The following PPP2R2D variants were observed in gnomAD, a reference collection of about 807,000 sequenced individuals.
The protein encoded by PPP2R2D is protein phosphatase 2 regulatory subunit Bdelta, also known as serine/threonine-protein phosphatase 2A 55 kDa regulatory subunit B delta isoform.
Under a neutral mutation model 31.1 loss-of-function variants are expected in PPP2R2D, and 9 were observed. The observed-to-expected ratio is 0.29, with a 90% CI of 0.17 to 0.51. PPP2R2D has a LOEUF of 0.51. Ranked by LOEUF, PPP2R2D falls within the 20% of genes least tolerant of loss-of-function variation. The pLI is 0.98. For synonymous variants in PPP2R2D, 179 were observed against 172.6 expected, an observed-to-expected ratio of 1.04 and a Z score of -0.29; for missense variants, 391 against 465.6, an observed-to-expected ratio of 0.84 and a Z score of 1.48.
intron 6 of PPP2R2D, 92 bp downstream of exon 6, chr10:131,944,237 T>G: frequency 9.5e-7 from 1 of 1,057,282 alleles, no homozygotes; most frequent in Non-Finnish European, 1.4e-6. Context: ...TATCTCGGAG[T>G]CTAGTCTTGT....
At chr10:131,944,920 G>A (rs2036507357) in intron 6 of PPP2R2D, among the ~76,000 whole-genome samples, 1 of 152,188 alleles carries the variant, frequency 6.6e-6, no homozygotes, top group Non-Finnish European at 1.5e-5. Flanking sequence ...GCATTCTTGT[G>A]TTGTAGTTTT....
chr10:131,911,304 C>G (rs1564809209), intron 2 of PPP2R2D, among the ~76,000 whole-genome samples: 3 of 152,216 alleles, frequency 2.0e-5, no homozygotes, highest in Non-Finnish European at 1.5e-5. Flanking sequence ...CCCCACACCT[C>G]TGGTGTCCTA....
chr10:131,956,436 G>A lies in PPP2R2D; in HGVS notation c.*473G>A, dbSNP rs2036800649. The A allele has an allele frequency of 1.0e-6, 1 of 985,630 alleles. No individual in the cohort carries two copies. Among genetic ancestry groups the A allele is most frequent in the Non-Finnish European group, 1.2e-6 (1 of 830,194 alleles). The allele number at this position is 985,630 out of a possible 1,614,324, so 61.1% of individuals were successfully genotyped here. On this transcript the variant is annotated 3_prime_UTR_variant, in exon 9 of 9. Transcript: ENST00000455566. ...GTCCAGGTGGACTCTGTGGATGTGT[G>A]GATGTGGCCCGAGCAGGCTCAGGCG...
At chr10:131,907,000 G>GTGTCTTTTATATATAATCTCCTATAA (rs2035599783) in intron 2 of PPP2R2D, among the ~76,000 whole-genome samples, 2 of 151,496 alleles carry the variant, frequency 1.3e-5, no homozygotes, top group African/African-American at 2.4e-5. Flanking sequence ...GAAATTAGGT[G>GTGTCTTTTATATATAATCTCCTATAA]TGTCTTTTAT....
intron 6 of PPP2R2D, among the ~76,000 whole-genome samples, chr10:131,944,759 C>T (rs1258977938): frequency 6.6e-6 from 1 of 152,208 alleles, no homozygotes; most frequent in Admixed American, 6.5e-5. Context: ...GAAACTGGGA[C>T]TGCTAGTCTG....
chr10:131,939,564 T>TGTTTGGC, intron 3 of PPP2R2D, among the ~76,000 whole-genome samples: 1 of 69,492 alleles, frequency 1.4e-5, no homozygotes, highest in African/African-American at 5.5e-5. Flanking sequence ...CGGCAGGCTG[T>TGTTTGGC]ATTTGGCAGA....
chr10:131,960,457 T>C (rs1305896922), downstream of PPP2R2D, among the ~76,000 whole-genome samples: 2 of 152,204 alleles, frequency 1.3e-5, no homozygotes, highest in African/African-American at 4.8e-5. Flanking sequence ...TGAACCAGTT[T>C]ATGATGCCCT....
At chr10:131,938,744 C>G (rs1406309857) in intron 3 of PPP2R2D, among the ~76,000 whole-genome samples, 1 of 152,232 alleles carries the variant, frequency 6.6e-6, no homozygotes, top group Non-Finnish European at 1.5e-5. Flanking sequence ...GCTCATTTAT[C>G]TCAGCGGCTT....
At chr10:131,970,327 T>G in the PPP2R2D span, 1 of 404,008 alleles carries the variant, frequency 2.5e-6, no homozygotes, top group Non-Finnish European at 4.5e-6. This position sits in a 1 kb window ranked among gnomAD's most constrained non-coding sequence, Gnocchi z 4.1. Flanking sequence ...GAAATGAGAC[T>G]GCTTTCACCT....
intron 2 of PPP2R2D, among the ~76,000 whole-genome samples, chr10:131,925,935 C>T (rs2036096844): frequency 6.6e-6 from 1 of 152,198 alleles, no homozygotes; most frequent in South Asian, 2.1e-4. Context: ...TTTTTCAGCG[C>T]ACACACAGGC....
At chr10:131,964,670 T>G (rs906748296), downstream of PPP2R2D, among the ~76,000 whole-genome samples, 2 of 150,624 alleles carry the variant, frequency 1.3e-5, no homozygotes, top group African/African-American at 2.5e-5. Flanking sequence ...TACTATGTTT[T>G]TTTTTTTTTT....
At chr10:131,960,566 TCATCAC>T (rs1397035117), downstream of PPP2R2D, among the ~76,000 whole-genome samples, 2 of 152,058 alleles carry the variant, frequency 1.3e-5, no homozygotes, top group African/African-American at 2.4e-5. Flanking sequence ...TGGAGCCAAA[TCATCAC>T]CATCAGTGCC....
In PPP2R2D at chr10:131,947,384, A is replaced by T; in HGVS notation, c.821-146A>T. The T allele has an allele frequency of 1.2e-6, 1 of 818,126 alleles. No homozygotes were observed. The highest frequency in any genetic ancestry group is 1.9e-6 in the Non-Finnish European group (1 of 536,792). The allele number at this position is 818,126 out of a possible 1,614,324, so 50.7% of individuals were successfully genotyped here. ...GAAGTCACAGAAGATCAGAAAACCT[A>T]GAGAATCAGAAAGATCAGAAGACCT... On this transcript the variant is annotated intron_variant, in intron 7 of 8. Coordinates refer to ENST00000455566, the MANE Select transcript of PPP2R2D (RefSeq NM_018461.5). The surrounding 1 kb of genome is among the most constrained non-coding windows in gnomAD (Gnocchi z 4.3).
chr10:131,934,571 T>A lies in PPP2R2D; in HGVS notation c.198+16T>A. 2 of 770,776 alleles carry A rather than the reference T, an allele frequency of 2.6e-6. No homozygotes were observed. Among genetic ancestry groups the A allele is most frequent in the Admixed American group, 3.6e-5 (2 of 56,054 alleles). 47.7% of individuals were successfully genotyped at this position (770,776 alleles called of 1,614,324 possible). A position where few individuals can be genotyped will look rare whatever the true frequency, so the allele number is the denominator to read the frequency against. On this transcript the variant is annotated intron_variant, in intron 3 of 8. Coordinates refer to ENST00000455566, the MANE Select transcript of PPP2R2D (RefSeq NM_018461.5). ...TGAACAAGAGGTCAGTAATTTTCAGTCCACAAATCAAATGCAATTATTCAA... is the reference window on the plus strand; with the variant it reads ...TGAACAAGAGGTCAGTAATTTTCAGACCACAAATCAAATGCAATTATTCAA...
chr10:131,913,460 T>G (rs1419948822), intron 2 of PPP2R2D, among the ~76,000 whole-genome samples: 1 of 152,168 alleles, frequency 6.6e-6, no homozygotes, highest in African/African-American at 2.4e-5. Flanking sequence ...ATTATACATG[T>G]GTCTTTGACT....
chr10:131,922,611 C>G (rs968051677), intron 2 of PPP2R2D, among the ~76,000 whole-genome samples: 4 of 152,034 alleles, frequency 2.6e-5, no homozygotes, highest in Non-Finnish European at 5.9e-5. Context: ...CACCACCACA[C>G]TTGGATAATT....
Position 131,945,211 on chromosome 10 carries a change from T to C in PPP2R2D, c.656-84T>C. ...CCTTAAACCTCACTGCGTGGATTATTTGGCGTCCTATTTCGCGTGACTGAA... is the reference window on the plus strand; with the variant it reads ...CCTTAAACCTCACTGCGTGGATTATCTGGCGTCCTATTTCGCGTGACTGAA... On this transcript the variant is annotated intron_variant, in intron 6 of 8. Transcript: ENST00000455566. The surrounding 1 kb of genome is among the most constrained non-coding windows in gnomAD (Gnocchi z 4.8). 2.0e-6 allele frequency: 3 copies of C among 1,470,232 alleles called. No individual in the cohort carries two copies. Among genetic ancestry groups the C allele is most frequent in the South Asian group, 2.6e-5 (2 of 77,032 alleles). 91.1% of individuals were successfully genotyped at this position (1,470,232 alleles called of 1,614,324 possible). A position where few individuals can be genotyped will look rare whatever the true frequency, so the allele number is the denominator to read the frequency against.
At chr10:131,911,116 A>G (rs36138182) in intron 2 of PPP2R2D, among the ~76,000 whole-genome samples, 15,677 of 152,258 alleles carry the variant, frequency 0.1, 925 homozygotes, top group Non-Finnish European at 0.14. Context: ...AGTCAGAAGC[A>G]CAAGTAACAC....
At chr10:131,969,973 G>A in the PPP2R2D span, 2 of 152,578 alleles carry the variant, frequency 1.3e-5, no homozygotes, top group South Asian at 4.1e-4. Context: ...CATCCCTTGA[G>A]TTCGAGATCA....
Sources: gnomAD v4.1 joint callset for allele counts (sites outside exome capture counted in the v4.1 genomes callset) on GRCh38, gnomAD v4.1.1 for gene constraint, Gnocchi (gnomAD v3.1) non-coding constraint, MANE v1.5 for transcripts, NCBI Gene and HGNC (gene_info 2026-07-23, HGNC 2026-07-21) for gene names.